The following FBXO4 variants were observed in gnomAD, a reference collection of about 807,000 sequenced individuals.
FBXO4 encodes F-box only protein 4.
A neutral mutation model predicts 43.7 loss-of-function variants in FBXO4; 36 were observed. The observed-to-expected ratio is 0.82, with a 90% confidence interval of 0.63 to 1.09. The LOEUF is 1.09. Among genes scored for constraint, FBXO4 ranks in the 50% least tolerant of loss-of-function variants. The pLI is 0.00. For missense variants in FBXO4, 435 were observed against 474.1 expected (o/e 0.92, Z 0.77); for synonymous variants, 180 against 165.6 (o/e 1.09, Z -0.67).
At chr5:41,943,751 G>A (rs1173840401), downstream of FBXO4, among the ~76,000 whole-genome samples, 1 of 152,066 alleles carries the variant, frequency 6.6e-6, no homozygotes, top group East Asian at 1.9e-4. Context: ...AACTGTTAAT[G>A]GACTGAATTT....
At chr5:41,988,522 GC>G in the FBXO4 span, among the ~76,000 whole-genome samples, 12 of 152,266 alleles carry the variant, frequency 7.9e-5, no homozygotes, top group African/African-American at 2.9e-4. Flanking sequence ...TGATGACTGG[GC>G]CCCCTGGATG....
At chr5:41,961,880 A>G in the FBXO4 span, among the ~76,000 whole-genome samples, 1 of 152,232 alleles carries the variant, frequency 6.6e-6, no homozygotes, top group Non-Finnish European at 1.5e-5. Context: ...GCTGACTGCT[A>G]GGAAACTCAA....
the FBXO4 span, among the ~76,000 whole-genome samples, chr5:42,008,424 GA>G: frequency 6.6e-6 from 1 of 152,086 alleles, no homozygotes; most frequent in South Asian, 2.1e-4. Flanking sequence ...CAGGCTGTTT[GA>G]AAATGTTTCA....
chr5:41,930,747 C>T (rs975686388), intron 3 of FBXO4, among the ~76,000 whole-genome samples: 1 of 151,510 alleles, frequency 6.6e-6, no homozygotes, highest in Non-Finnish European at 1.5e-5. Flanking sequence ...GGCTCACTGC[C>T]AGCTCCGCCT....
In FBXO4 at chr5:41,941,511, T is replaced by C. The variant is rs1752005237; in HGVS notation, c.*230T>C. On this transcript the variant is annotated 3_prime_UTR_variant, in exon 7 of 7. Coordinates refer to ENST00000281623, the MANE Select transcript of FBXO4 (RefSeq NM_012176.3). ...AGCCCCAAAATGAACCTTTAAACAT[T>C]TTTTTGGTAATTTTTATATTTTCTG... 3.8e-6 allele frequency: 1 copy of C among 266,340 alleles called. No individual in the cohort carries two copies. The highest frequency in any genetic ancestry group is 2.2e-5 in the African/African-American group (1 of 45,420). The allele number at this position is 266,340 out of a possible 1,614,324, so 16.5% of individuals were successfully genotyped here.
chr5:41,960,717 A>G, the FBXO4 span, among the ~76,000 whole-genome samples: 2 of 151,930 alleles, frequency 1.3e-5, no homozygotes, highest in Non-Finnish European at 2.9e-5. Context: ...CATTTCATTC[A>G]TTGTGATGTT....
chr5:41,977,454 T>A, the FBXO4 span, among the ~76,000 whole-genome samples: 1 of 152,198 alleles, frequency 6.6e-6, no homozygotes, highest in Non-Finnish European at 1.5e-5. Flanking sequence ...CTCTTGAACA[T>A]TTTGCTGCTT....
At chr5:42,003,611 G>A in the FBXO4 span, among the ~76,000 whole-genome samples, 2 of 151,910 alleles carry the variant, frequency 1.3e-5, no homozygotes, top group African/African-American at 4.8e-5. Flanking sequence ...TGTTGGTGTG[G>A]TGCACCCATT....
At chr5:42,019,882 G>A in the FBXO4 span, among the ~76,000 whole-genome samples, 4 of 151,938 alleles carry the variant, frequency 2.6e-5, no homozygotes, top group East Asian at 1.9e-4. Flanking sequence ...CAAGGTTAGA[G>A]ATATACAAAA....
the FBXO4 span, among the ~76,000 whole-genome samples, chr5:42,027,771 C>A: frequency 4.3e-4 from 65 of 151,214 alleles, no homozygotes; most frequent in African/African-American, 1.5e-3. Flanking sequence ...AAAGCATTTT[C>A]TAACTTATTC....
At chr5:41,976,473 T>G in the FBXO4 span, among the ~76,000 whole-genome samples, 1 of 152,304 alleles carries the variant, frequency 6.6e-6, no homozygotes, top group Admixed American at 6.5e-5. Context: ...AACATTTCCA[T>G]TCCAAAAGGG....
Position 41,925,283 on chromosome 5 carries a change from A to G in FBXO4, c.-27A>G, listed in dbSNP as rs950412272. The G allele has an allele frequency of 7.6e-7, 1 of 1,317,562 alleles. No homozygotes were observed. Among genetic ancestry groups the G allele is most frequent in the African/African-American group, 1.5e-5 (1 of 64,864 alleles). The allele number at this position is 1,317,562 out of a possible 1,614,324, so 81.6% of individuals were successfully genotyped here. A position where few individuals can be genotyped will look rare whatever the true frequency, so the allele number is the denominator to read the frequency against. ...GCTGACGCGCTAGCGTGGCTCTAAG[A>G]CGCGTCACCCACGCTGCGGGCAAGC... On this transcript the variant is annotated 5_prime_UTR_variant, in exon 1 of 7. Transcript: ENST00000281623.
the FBXO4 span, among the ~76,000 whole-genome samples, chr5:42,024,883 A>G: frequency 6.6e-6 from 1 of 151,412 alleles, no homozygotes; most frequent in Admixed American, 6.6e-5. Flanking sequence ...ACAGGATCTC[A>G]TTCTTTTTTA....
the FBXO4 span, among the ~76,000 whole-genome samples, chr5:41,969,924 T>C: frequency 6.6e-6 from 1 of 152,110 alleles, no homozygotes; most frequent in Non-Finnish European, 1.5e-5. Context: ...TAAATAGAAT[T>C]AAGTGTAAAT....
At chr5:41,943,239 T>C (rs1752029833), downstream of FBXO4, among the ~76,000 whole-genome samples, 1 of 152,168 alleles carries the variant, frequency 6.6e-6, no homozygotes, top group Non-Finnish European at 1.5e-5. Flanking sequence ...ATCAATTTCC[T>C]GGACTCTAGT....
chr5:41,946,520 A>T (rs193158549), downstream of FBXO4, among the ~76,000 whole-genome samples: 3 of 152,216 alleles, frequency 2.0e-5, no homozygotes, highest in African/African-American at 7.2e-5. Context: ...ACTTGCCTTG[A>T]GTAATTTTCC....
the FBXO4 span, among the ~76,000 whole-genome samples, chr5:41,997,526 C>G: frequency 6.6e-6 from 1 of 152,158 alleles, no homozygotes; most frequent in African/African-American, 2.4e-5. Context: ...CTGTCAACTG[C>G]TAAGTATGTC....
chr5:42,014,970 T>G, the FBXO4 span, among the ~76,000 whole-genome samples: 1 of 152,148 alleles, frequency 6.6e-6, no homozygotes, highest in African/African-American at 2.4e-5. Context: ...ATATAATCTA[T>G]ATTAATAAAG....
chr5:42,030,258 G>T, the FBXO4 span, among the ~76,000 whole-genome samples: 3 of 152,022 alleles, frequency 2.0e-5, no homozygotes, highest in African/African-American at 7.2e-5. Context: ...CCAAAACAGA[G>T]ATATAGACCA....
Sources: gnomAD v4.1 joint callset for allele counts (sites outside exome capture counted in the v4.1 genomes callset) on GRCh38, gnomAD v4.1.1 for gene constraint, MANE v1.5 for transcripts, NCBI Gene and HGNC (gene_info 2026-07-23, HGNC 2026-07-21) for gene names.